Variants in DTNB observed in about 807,000 individuals in gnomAD.
The protein encoded by DTNB is DTN-B.
A neutral mutation model predicts 90.7 loss-of-function variants in DTNB; 63 were observed. The observed-to-expected ratio is 0.69, with a 90% CI of 0.57 to 0.86. DTNB has a LOEUF of 0.86. Ranked by LOEUF, DTNB falls within the 40% of genes least tolerant of loss-of-function variation. The pLI is 0.00. For missense variants in DTNB, 744 were observed against 807.1 expected (o/e 0.92, Z 0.95); for synonymous variants, 277 against 286.7 (o/e 0.97, Z 0.34).
chr2:25,458,635 ATATTTATT>A (rs777004287), intron 10 of DTNB, among the ~76,000 whole-genome samples: 57 of 151,004 alleles, frequency 3.8e-4, no homozygotes, highest in African/African-American at 1.4e-3. Context: ...CACCCGGCTA[ATATTTATT>A]TATTTATTTA....
At chr2:25,519,881 A>C (rs1237478467) in intron 9 of DTNB, among the ~76,000 whole-genome samples, 1 of 152,180 alleles carries the variant, frequency 6.6e-6, no homozygotes, top group Admixed American at 6.5e-5. Flanking sequence ...CTAAGAAAAA[A>C]GTATCATCTT....
intron 16 of DTNB, among the ~76,000 whole-genome samples, chr2:25,400,377 CAG>C (rs756212661): frequency 6.6e-6 from 1 of 152,246 alleles, no homozygotes; most frequent in Non-Finnish European, 1.5e-5. Flanking sequence ...GCTTTATGTT[CAG>C]AGAGGCAGGC....
At chr2:25,563,186 T>A (rs2058516117) in intron 8 of DTNB, among the ~76,000 whole-genome samples, 1 of 152,236 alleles carries the variant, frequency 6.6e-6, no homozygotes, top group Non-Finnish European at 1.5e-5. Flanking sequence ...AACTTTTTCA[T>A]CGTGCAAATC....
At chr2:25,514,568 T>C (rs920324194) in intron 9 of DTNB, among the ~76,000 whole-genome samples, 7 of 150,356 alleles carry the variant, frequency 4.7e-5, no homozygotes, top group African/African-American at 1.7e-4. Context: ...TAAACGAATT[T>C]ACTAGATCTG....
intron 10 of DTNB, among the ~76,000 whole-genome samples, chr2:25,457,865 T>TAC (rs552683997): frequency 7.1e-4 from 108 of 152,222 alleles, no homozygotes; most frequent in Non-Finnish European, 1.2e-3. Flanking sequence ...GACAGAGTAT[T>TAC]ACTCTGTCAC....
At chr2:25,451,374 T>C (rs1334071118) in intron 12 of DTNB, among the ~76,000 whole-genome samples, 174 bp downstream of exon 12, 1 of 152,196 alleles carries the variant, frequency 6.6e-6, no homozygotes, top group Non-Finnish European at 1.5e-5. Context: ...TAGGTTTTTG[T>C]AGGTGTTCTT....
chr2:25,398,384 C>T (rs924895632), intron 16 of DTNB, among the ~76,000 whole-genome samples: 2 of 152,226 alleles, frequency 1.3e-5, no homozygotes, highest in African/African-American at 2.4e-5. Flanking sequence ...CAGCCCTTGG[C>T]GTTAGGATCA....
At chr2:25,505,684 T>C (rs2072215571) in intron 9 of DTNB, among the ~76,000 whole-genome samples, 1 of 152,144 alleles carries the variant, frequency 6.6e-6, no homozygotes, top group South Asian at 2.1e-4. Context: ...TACTAAACCT[T>C]ATTTCTCTCT....
chr2:25,492,023 G>A (rs565101631), intron 9 of DTNB, among the ~76,000 whole-genome samples: 2 of 152,136 alleles, frequency 1.3e-5, no homozygotes, highest in Admixed American at 6.6e-5. Context: ...TCAGTCATTC[G>A]AGTGTACTGT....
intron 6 of DTNB, among the ~76,000 whole-genome samples, chr2:25,589,624 C>T (rs1043916143): frequency 1.3e-5 from 2 of 152,058 alleles, no homozygotes; most frequent in East Asian, 1.9e-4. Flanking sequence ...AGGTGATCCA[C>T]CCACCTCGGC....
intron 8 of DTNB, among the ~76,000 whole-genome samples, chr2:25,566,021 T>C (rs1375178881): frequency 6.6e-6 from 1 of 152,168 alleles, no homozygotes; most frequent in African/African-American, 2.4e-5. Context: ...TTCCTTCGAT[T>C]ACATTATGTT....
intron 15 of DTNB, among the ~76,000 whole-genome samples, chr2:25,419,999 C>T (rs1007981142): frequency 6.6e-6 from 1 of 152,182 alleles, no homozygotes; most frequent in African/African-American, 2.4e-5. Flanking sequence ...CACAGACCAG[C>T]AGCATCGGCA....
intron 8 of DTNB, among the ~76,000 whole-genome samples, chr2:25,540,740 A>G (rs1188714338): frequency 6.6e-6 from 1 of 152,000 alleles, no homozygotes; most frequent in Non-Finnish European, 1.5e-5. Flanking sequence ...CTATGACCTT[A>G]CCCCCAACCC....
At chr2:25,602,779 T>C (rs1272721958) in intron 5 of DTNB, among the ~76,000 whole-genome samples, 2 of 152,214 alleles carry the variant, frequency 1.3e-5, no homozygotes, top group African/African-American at 2.4e-5. Flanking sequence ...ATTATTTTGG[T>C]ATATTTCTTA....
At position 25,596,241 on chromosome 2, in the gene DTNB, C is replaced by T; in HGVS notation, c.449-1G>A. ...GAATCTGACATCTGGGAGAAAACAT[C>T]TATGAGAACAAAACCAAATAAAGTC... is the stretch of plus-strand genomic sequence containing the variant. On this transcript the variant is annotated splice_acceptor_variant, in intron 5 of 20. Transcript: ENST00000406818. LOFTEE classifies it high-confidence loss of function. 6.2e-7 allele frequency: 1 copy of T among 1,603,684 alleles called. No homozygotes were observed. Among genetic ancestry groups the T allele is most frequent in the Non-Finnish European group, 8.5e-7 (1 of 1,175,944 alleles).
At chr2:25,600,536 A>C (rs2065655996) in intron 5 of DTNB, among the ~76,000 whole-genome samples, 1 of 152,244 alleles carries the variant, frequency 6.6e-6, no homozygotes, top group East Asian at 1.9e-4. Flanking sequence ...TTTTTACATG[A>C]GAAAAATAAA....
chr2:25,660,093 T>A (rs540174406), intron 1 of DTNB, among the ~76,000 whole-genome samples: 7 of 152,238 alleles, frequency 4.6e-5, no homozygotes, highest in Admixed American at 3.9e-4. Flanking sequence ...CAGAAATATA[T>A]CCTTACACTT....
At chr2:25,643,825 G>T (rs182021216) in intron 2 of DTNB, among the ~76,000 whole-genome samples, 38 of 152,274 alleles carry the variant, frequency 2.5e-4, no homozygotes, top group African/African-American at 9.1e-4. Context: ...AGACCAACTG[G>T]GCTGCATTCC....
intron 13 of DTNB, among the ~76,000 whole-genome samples, chr2:25,433,206 A>T (rs1344228969): frequency 1.3e-5 from 2 of 152,230 alleles, no homozygotes; most frequent in African/African-American, 4.8e-5. Flanking sequence ...TGTGGTGGAA[A>T]AAGTCATAAA....
Sources: gnomAD v4.1 joint callset for allele counts (sites outside exome capture counted in the v4.1 genomes callset) on GRCh38, gnomAD v4.1.1 for gene constraint, MANE v1.5 for transcripts, NCBI Gene and HGNC (gene_info 2026-07-23, HGNC 2026-07-21) for gene names.